ARK2C: variants seen among roughly 807,000 people sequenced by gnomAD.
The protein encoded by ARK2C is E3 ubiquitin-protein ligase ARK2C.
chr18:46,338,969 C>A, the ARK2C span, among the ~76,000 whole-genome samples: 1 of 152,188 alleles, frequency 6.6e-6, no homozygotes, highest in South Asian at 2.1e-4. Flanking sequence ...TCCTCTCCCC[C>A]CATGGCTGCC....
the ARK2C span, among the ~76,000 whole-genome samples, chr18:46,350,496 G>T: frequency 4.5e-4 from 69 of 152,186 alleles, no homozygotes; most frequent in African/African-American, 1.6e-3. Context: ...GTCACACGAG[G>T]GGTGTCAAGA....
the ARK2C span, among the ~76,000 whole-genome samples, chr18:46,444,455 G>T: frequency 6.6e-6 from 1 of 151,730 alleles, no homozygotes; most frequent in African/African-American, 2.4e-5. Context: ...TTCTGATGGT[G>T]TGCTTCATTT....
chr18:46,368,895 C>T, the ARK2C span, among the ~76,000 whole-genome samples: 2 of 152,206 alleles, frequency 1.3e-5, no homozygotes, highest in Non-Finnish European at 2.9e-5. Flanking sequence ...TGAGTTAGTA[C>T]ACATAGTGTT....
At chr18:46,377,452 G>C in the ARK2C span, among the ~76,000 whole-genome samples, 7 of 152,192 alleles carry the variant, frequency 4.6e-5, no homozygotes, top group Admixed American at 1.3e-4. Context: ...GGAGCATCCC[G>C]AGAACCCACA....
chr18:46,425,429 C>A, the ARK2C span, among the ~76,000 whole-genome samples: 1 of 152,232 alleles, frequency 6.6e-6, no homozygotes. Context: ...GTCAGGTGCC[C>A]TGTGGGGCCT....
chr18:46,431,381 A>G, the ARK2C span, among the ~76,000 whole-genome samples: 1 of 152,160 alleles, frequency 6.6e-6, no homozygotes, highest in South Asian at 2.1e-4. Flanking sequence ...GGACTTTTCA[A>G]TGAATGGGCT....
At chr18:46,379,802 G>A in the ARK2C span, among the ~76,000 whole-genome samples, 1 of 152,226 alleles carries the variant, frequency 6.6e-6, no homozygotes, top group Non-Finnish European at 1.5e-5. Context: ...ATCTGTTTCA[G>A]GGCCCGTTCA....
At chr18:46,354,505 C>A in the ARK2C span, among the ~76,000 whole-genome samples, 1 of 152,196 alleles carries the variant, frequency 6.6e-6, no homozygotes, top group Non-Finnish European at 1.5e-5. Flanking sequence ...TTCTCAGCTC[C>A]CTTAGAGGCC....
At chr18:46,374,674 A>G in the ARK2C span, among the ~76,000 whole-genome samples, 1 of 152,118 alleles carries the variant, frequency 6.6e-6, no homozygotes, top group Non-Finnish European at 1.5e-5. Context: ...GAAAAAAGCA[A>G]TGGAATCCTC....
chr18:46,356,719 G>A, the ARK2C span, among the ~76,000 whole-genome samples: 3 of 152,128 alleles, frequency 2.0e-5, no homozygotes, highest in Non-Finnish European at 4.4e-5. Flanking sequence ...CTCTCCCAGG[G>A]CTCCACCTCC....
chr18:46,335,905 T>G, the ARK2C span: 1 of 985,398 alleles, frequency 1.0e-6, no homozygotes, highest in Non-Finnish European at 1.2e-6. Flanking sequence ...AATGGTCAAC[T>G]CGCTGCTGTG....
At chr18:46,344,054 AG>A in the ARK2C span, among the ~76,000 whole-genome samples, 2 of 152,182 alleles carry the variant, frequency 1.3e-5, no homozygotes, top group Admixed American at 6.5e-5. Context: ...TGAGCCCTCC[AG>A]GAAGTCCTCC....
the ARK2C span, chr18:46,457,605 C>A: frequency 3.9e-5 from 6 of 152,720 alleles, no homozygotes; most frequent in East Asian, 9.6e-4. Context: ...GCTCGGCCCT[C>A]AGCTACTGGT....
At chr18:46,358,769 C>A in the ARK2C span, among the ~76,000 whole-genome samples, 1 of 152,228 alleles carries the variant, frequency 6.6e-6, no homozygotes, top group Non-Finnish European at 1.5e-5. Context: ...TTCCTTCTCA[C>A]ATGCTCAGGG....
chr18:46,433,086 T>TA, the ARK2C span: 1 of 772,752 alleles, frequency 1.3e-6, no homozygotes, highest in Non-Finnish European at 2.0e-6. Flanking sequence ...CTAATGTAGG[T>TA]CTTGAGCTTC....
At chr18:46,444,702 G>C in the ARK2C span, among the ~76,000 whole-genome samples, 2 of 151,694 alleles carry the variant, frequency 1.3e-5, no homozygotes, top group Non-Finnish European at 2.9e-5. Flanking sequence ...CAAACTTCTG[G>C]ACTAAAATGA....
At chr18:46,351,817 G>T in the ARK2C span, among the ~76,000 whole-genome samples, 1 of 152,176 alleles carries the variant, frequency 6.6e-6, no homozygotes, top group Non-Finnish European at 1.5e-5. Flanking sequence ...TGGCGGCAGG[G>T]CCTGGCTACG....
At chr18:46,393,280 T>C in the ARK2C span, among the ~76,000 whole-genome samples, 3 of 152,216 alleles carry the variant, frequency 2.0e-5, no homozygotes, top group Admixed American at 6.5e-5. Flanking sequence ...GAAAACTTTG[T>C]GGGGTGACTG....
At chr18:46,348,232 G>T in the ARK2C span, among the ~76,000 whole-genome samples, 2 of 151,566 alleles carry the variant, frequency 1.3e-5, no homozygotes, top group Non-Finnish European at 2.9e-5. Flanking sequence ...AAGGGGCTGG[G>T]GGGGGTGAGG....
Sources: allele counts gnomAD v4.1 joint callset (sites outside exome capture counted in the v4.1 genomes callset), GRCh38; gene constraint gnomAD v4.1.1; transcripts MANE v1.5; gene names NCBI Gene and HGNC (gene_info 2026-07-23, HGNC 2026-07-21).